Variants in CCAR1 observed in about 807,000 individuals in gnomAD.
CCAR1 encodes cell division cycle and apoptosis regulator protein 1.
In CCAR1, 78 loss-of-function variants were observed where a neutral mutation model predicts 163.8. The observed-to-expected ratio is 0.48, with a 90% CI of 0.40 to 0.57. CCAR1 has a LOEUF of 0.57. Among genes scored for constraint, CCAR1 ranks in the 20% least tolerant of loss-of-function variants. The probability of loss-of-function intolerance (pLI) is 0.00; values close to 1 mark genes in which losing one functional copy is unlikely to be tolerated. For missense variants in CCAR1, 1,019 were observed against 1,365.2 expected (o/e 0.75, Z 4.00); for synonymous variants, 443 against 460.7 (o/e 0.96, Z 0.49).
intron 4 of CCAR1, among the ~76,000 whole-genome samples, chr10:68,738,948 G>A (rs2056148694): frequency 6.6e-6 from 1 of 152,156 alleles, no homozygotes. Flanking sequence ...TAAATAAAAT[G>A]TGGGAGAAAG....
intron 2 of CCAR1, among the ~76,000 whole-genome samples, chr10:68,728,880 A>G (rs554807314): frequency 6.6e-6 from 1 of 151,992 alleles, no homozygotes; most frequent in South Asian, 2.1e-4. Flanking sequence ...ACTTGAACCC[A>G]GAGACAGGTT....
At position 68,791,193 on chromosome 10, in the gene CCAR1, C is replaced by T. The variant is rs768102450; in HGVS notation, c.3394-14C>T. 5 of 1,479,012 alleles carry T rather than the reference C, an allele frequency of 3.4e-6. No individual in the cohort carries two copies. The highest frequency in any genetic ancestry group is 2.3e-5 in the East Asian group (1 of 43,150). The allele number at this position is 1,479,012 out of a possible 1,614,324, so 91.6% of individuals were successfully genotyped here. ...CTAATAAAATGTATTTTTTCCTTCT[C>T]TATTGTCTTATAGGATAATGTAAAG... On this transcript the variant is annotated splice_polypyrimidine_tract_variant and intron_variant, in intron 24 of 24. Coordinates refer to ENST00000265872, the MANE Select transcript of CCAR1 (RefSeq NM_018237.4).
intron 17 of CCAR1, among the ~76,000 whole-genome samples, chr10:68,769,969 A>G (rs1564546929): frequency 6.6e-6 from 1 of 151,222 alleles, no homozygotes; most frequent in Admixed American, 6.6e-5. Context: ...AAAATTATAT[A>G]GTTTTAGGTT....
At chr10:68,779,946 A>G (rs576021127) in intron 19 of CCAR1, among the ~76,000 whole-genome samples, 3 of 152,292 alleles carry the variant, frequency 2.0e-5, no homozygotes, top group South Asian at 4.1e-4. Context: ...TTTAGTGTTG[A>G]TAAGTGTGTA....
At chr10:68,779,366 T>C (rs2056707343) in intron 19 of CCAR1, among the ~76,000 whole-genome samples, 1 of 151,886 alleles carries the variant, frequency 6.6e-6, no homozygotes, top group Non-Finnish European at 1.5e-5. Context: ...CAAGCGATTC[T>C]CGTGCCCTCA....
intron 6 of CCAR1, among the ~76,000 whole-genome samples, chr10:68,745,628 T>G (rs2056243111): frequency 6.6e-6 from 1 of 151,902 alleles, no homozygotes; most frequent in South Asian, 2.1e-4. Flanking sequence ...CACGCCTGGC[T>G]AATTTTTGTA....
At chr10:68,786,730 T>A in intron 21 of CCAR1, 38 bp downstream of exon 21, 1 of 1,533,570 alleles carries the variant, frequency 6.5e-7, no homozygotes, top group Non-Finnish European at 8.8e-7. Context: ...GAAAACATTT[T>A]TTAAAAGTTA....
At position 68,736,965 on chromosome 10, in the gene CCAR1, A is replaced by G; in HGVS notation, c.163A>G (p.Thr55Ala). ...TGCATTGGCAGCAGCAGGCCTTACC[A>G]CACAAACTCCAGCAAACTATCAGTT... is the stretch of plus-strand genomic sequence containing the variant. ...QTALAAAGLT[T>A]QTPANYQLTQ... is the part of the protein sequence containing the mutation. Residue 55 changes from threonine (T) to alanine (A), a missense_variant, in exon 3 of 25, where the codon ACA becomes GCA. Physicochemically the swap from Thr to Ala is moderately conservative, Grantham distance 58 (BLOSUM62 0). This residue lies in a region of CCAR1 where 644 missense variants were observed against 904.4 expected (regional missense o/e 0.71). Transcript: ENST00000265872. 1 of 1,614,056 alleles carries G rather than the reference A, an allele frequency of 6.2e-7. No individual in the cohort carries two copies. Among genetic ancestry groups the G allele is most frequent in the Non-Finnish European group, 8.5e-7 (1 of 1,179,948 alleles).
rs139941109 is a variant in CCAR1 at position 68,729,235 on chromosome 10, G to A, written c.73+6658G>A. Among the ~76,000 whole-genome samples, 30 of 151,546 alleles carry A rather than the reference G, an allele frequency of 2.0e-4. No homozygotes were observed. In the South Asian group the frequency reaches 4.6e-3, roughly 23 times the overall value. ...TTAAAGTATTATTTTGTAGCCAGGC[G>A]TGGTGACTTACTCTTTTTTGTTTTT... On this transcript the variant is annotated intron_variant, in intron 2 of 24. Transcript: ENST00000265872.
chr10:68,783,646 G>A (rs113728720), intron 19 of CCAR1, among the ~76,000 whole-genome samples: 10 of 152,258 alleles, frequency 6.6e-5, no homozygotes, highest in African/African-American at 2.4e-4. Context: ...CAATAATTCA[G>A]TAGAGGGAAT....
intron 23 of CCAR1, among the ~76,000 whole-genome samples, chr10:68,788,774 A>G (rs1264838157): frequency 6.6e-6 from 1 of 152,146 alleles, no homozygotes; most frequent in Non-Finnish European, 1.5e-5. Flanking sequence ...AGGAGCCACC[A>G]TGCTCTGCAG....
chr10:68,771,477 C>A (rs544020745), intron 18 of CCAR1, 32 bp downstream of exon 18: 6 of 1,525,838 alleles, frequency 3.9e-6, no homozygotes, highest in Non-Finnish European at 5.3e-6. Flanking sequence ...TAGAAGCTTT[C>A]AGTTACTCTT....
rs777736676 is a variant in CCAR1 at position 68,789,725 on chromosome 10, C to T, written c.3203C>T (p.Thr1068Ile). The T allele has an allele frequency of 6.4e-6, 10 of 1,569,050 alleles. No homozygotes were observed. In the African/African-American group the frequency reaches 1.2e-4, roughly 20 times the overall value. ...LEEKTDEDEK[T>I]ILNLENSNKS... is the part of the protein sequence containing the mutation. ...TTTTAAACAGATGAAGATGAAAAAA[C>T]CATATTAAATTTGGAGAATTCCAAC... Residue 1068 changes from threonine to isoleucine, a missense_variant, in exon 24 of 25, where the codon ACC becomes ATC. By Grantham distance (89) the Thr-to-Ile change is moderately conservative (BLOSUM62 -1). Around this residue, in one of 4 missense-constraint regions of CCAR1, gnomAD observed 358 missense variants for 406.4 expected, o/e 0.88. Coordinates refer to ENST00000265872, the MANE Select transcript of CCAR1 (RefSeq NM_018237.4).
Position 68,747,146 on chromosome 10 carries a change from T to A in CCAR1, c.519-15T>A. ...GTATTTATATTTAACTTTTTTTTTC[T>A]TTTTTTTTTTACAGTGCTGTCAAAG... On this transcript the variant is annotated splice_polypyrimidine_tract_variant and intron_variant, in intron 6 of 24. Transcript: ENST00000265872. 1.8e-6 allele frequency: 1 copy of A among 560,574 alleles called. No individual in the cohort carries two copies. Among genetic ancestry groups the A allele is most frequent in the African/African-American group, 2.2e-5 (1 of 44,530 alleles). 34.7% of individuals were successfully genotyped at this position (560,574 alleles called of 1,614,324 possible).
At chr10:68,726,993 C>CA (rs1326166014) in intron 2 of CCAR1, among the ~76,000 whole-genome samples, 13 of 136,976 alleles carry the variant, frequency 9.5e-5, no homozygotes, top group South Asian at 2.3e-4. Context: ...GACTTCCTCT[C>CA]AAAAAAAAAT....
rs767766595 is a variant in CCAR1 at position 68,747,440 on chromosome 10, A to G, written c.700A>G (p.Thr234Ala). The change falls in exon 8 of 25, where the codon ACA becomes GCA. Residue 234 changes from threonine (T) to alanine (A), a missense_variant. Thr to Ala is a moderately conservative substitution (Grantham distance 58, BLOSUM62 0). This residue lies in a region of CCAR1 where 644 missense variants were observed against 904.4 expected (regional missense o/e 0.71). Coordinates refer to ENST00000265872, the MANE Select transcript of CCAR1 (RefSeq NM_018237.4). ...TGTACTTCAGCCAATTGCACCACAGACAACATTTGGTGTTCAGACTCAGCC... is the reference window on the plus strand; with the variant it reads ...TGTACTTCAGCCAATTGCACCACAGGCAACATTTGGTGTTCAGACTCAGCC... ...PAVLQPIAPQ[T>A]TFGVQTQPQP... The G allele has an allele frequency of 1.9e-6, 3 of 1,614,016 alleles. No homozygotes were observed. In the East Asian group the frequency reaches 6.7e-5, roughly 36 times the overall value.
chr10:68,781,124 C>T (rs1449229535), intron 19 of CCAR1, among the ~76,000 whole-genome samples: 1 of 151,762 alleles, frequency 6.6e-6, no homozygotes, highest in East Asian at 1.9e-4. Context: ...ACCAGCTACT[C>T]GGGAGGCTGG....
chr10:68,780,000 G>A (rs886894202), intron 19 of CCAR1, among the ~76,000 whole-genome samples: 6 of 152,174 alleles, frequency 3.9e-5, no homozygotes, highest in East Asian at 3.8e-4. Context: ...CTCATTTTGT[G>A]TGGTGGGATT....
At chr10:68,784,714 C>T (rs182653532) in intron 19 of CCAR1, among the ~76,000 whole-genome samples, 1 of 151,926 alleles carries the variant, frequency 6.6e-6, no homozygotes, top group Non-Finnish European at 1.5e-5. Context: ...TAGTCTGACT[C>T]ATTTTTTAAA....
Sources: gnomAD v4.1 joint callset for allele counts (sites outside exome capture counted in the v4.1 genomes callset) on GRCh38, gnomAD v4.1.1 for gene constraint, gnomAD v4.1.1 regional missense constraint, MANE v1.5 for transcripts, NCBI Gene and HGNC (gene_info 2026-07-23, HGNC 2026-07-21) for gene names.